ROBO1: variants seen among roughly 807,000 people sequenced by gnomAD.
ROBO1 encodes roundabout homolog 1.
Under a neutral mutation model 195.9 loss-of-function variants are expected in ROBO1, and 149 were observed. The ratio of observed to expected loss-of-function variants is 0.76; its 90% confidence interval spans 0.67 to 0.87. ROBO1 has a LOEUF of 0.87. ROBO1 is among the 40% of genes least tolerant of loss of function. The pLI, the probability that ROBO1 is intolerant of heterozygous loss-of-function variation, is 0.00. For missense variants in ROBO1, 1,933 were observed against 2,068.3 expected, an observed-to-expected ratio of 0.93 and a Z score of 1.27; for synonymous variants, 816 against 733.2, an observed-to-expected ratio of 1.11 and a Z score of -1.82.
In ROBO1 at chr3:78,755,328, G is replaced by C. The variant is rs2082901475; in HGVS notation, c.500-8428C>G. Reference sequence around the variant, plus strand: ...ACAAAAAACAAAATGTACAAAATTAGCTAGGCATGGTGGTGCTCACCAGTG... The same window carrying C: ...ACAAAAAACAAAATGTACAAAATTACCTAGGCATGGTGGTGCTCACCAGTG... On this transcript the variant is annotated intron_variant, in intron 4 of 30. Transcript: ENST00000464233. Among the ~76,000 whole-genome samples, 4 of 152,210 alleles carry C rather than the reference G, an allele frequency of 2.6e-5. No homozygotes were observed. In the South Asian group the frequency reaches 8.3e-4, roughly 32 times the overall value.
At chr3:78,736,025 GTATT>G (rs2082383994) in intron 5 of ROBO1, among the ~76,000 whole-genome samples, 1 of 152,050 alleles carries the variant, frequency 6.6e-6, no homozygotes. Flanking sequence ...TTATAGCAAT[GTATT>G]TACTCACATA....
At chr3:79,467,407 C>A (rs1938021352) in intron 2 of ROBO1, among the ~76,000 whole-genome samples, 1 of 151,434 alleles carries the variant, frequency 6.6e-6, no homozygotes, top group South Asian at 2.1e-4. Flanking sequence ...TGTCCTTTGG[C>A]CCTCCACAAA....
intron 2 of ROBO1, among the ~76,000 whole-genome samples, chr3:79,280,266 T>C (rs1237074552): frequency 2.0e-5 from 3 of 152,148 alleles, no homozygotes; most frequent in African/African-American, 7.2e-5. Context: ...ATGATAAATA[T>C]TTGAGATGAT....
intron 25 of ROBO1, among the ~76,000 whole-genome samples, chr3:78,628,330 T>A (rs925181297): frequency 1.3e-5 from 2 of 152,068 alleles, no homozygotes; most frequent in East Asian, 3.9e-4. Flanking sequence ...TACAACCCAT[T>A]TTTTTTTCTC....
chr3:79,619,203 T>C (rs1944925856), intron 1 of ROBO1, among the ~76,000 whole-genome samples: 1 of 152,162 alleles, frequency 6.6e-6, no homozygotes, highest in Non-Finnish European at 1.5e-5. Context: ...TAGTGGCAAG[T>C]CAATTGTGGG....
At chr3:78,844,285 T>C (rs766542790) in intron 4 of ROBO1, among the ~76,000 whole-genome samples, 12 of 152,138 alleles carry the variant, frequency 7.9e-5, no homozygotes, top group Non-Finnish European at 1.3e-4. Flanking sequence ...TCTAAGAGAA[T>C]TGTTTGTGTT....
intron 2 of ROBO1, among the ~76,000 whole-genome samples, chr3:79,175,256 T>C (rs1176279295): frequency 6.6e-6 from 1 of 152,186 alleles, no homozygotes; most frequent in African/African-American, 2.4e-5. Context: ...CAGTTGCACT[T>C]ATTTTACTTT....
chr3:79,028,859 C>T lies in ROBO1; in HGVS notation c.173-89932G>A, dbSNP rs146809202. Among the ~76,000 whole-genome samples, 543 of 152,086 alleles carry T rather than the reference C, an allele frequency of 3.6e-3. 7 individuals are homozygous for T. Among genetic ancestry groups the T allele is most frequent in the African/African-American group, 0.012 (504 of 41,530 alleles). On this transcript the variant is annotated intron_variant, in intron 3 of 30. Transcript: ENST00000464233. Reference sequence around the variant, plus strand: ...AATAAATGAAAATGTTTGTTTTTCACAAATATGCCTGAATTTCACAGGTCT... The same window carrying T: ...AATAAATGAAAATGTTTGTTTTTCATAAATATGCCTGAATTTCACAGGTCT...
chr3:78,746,640 G>A, intron 5 of ROBO1, 103 bp downstream of exon 5: 1 of 965,920 alleles, frequency 1.0e-6, no homozygotes, highest in East Asian at 2.9e-5. Flanking sequence ...GCTGACGCAA[G>A]CCTTTATTGA....
chr3:79,558,839 C>T (rs1353799091), intron 2 of ROBO1, among the ~76,000 whole-genome samples: 4 of 152,072 alleles, frequency 2.6e-5, no homozygotes, highest in Non-Finnish European at 5.9e-5. Flanking sequence ...CATAATATAT[C>T]TTTATAAATA....
chr3:79,451,299 T>A (rs1304380151), intron 2 of ROBO1, among the ~76,000 whole-genome samples: 2 of 152,052 alleles, frequency 1.3e-5, no homozygotes, highest in African/African-American at 4.8e-5. Flanking sequence ...GAGATGAAGC[T>A]CAAATGAATA....
At chr3:79,672,786 A>G (rs997378978) in intron 1 of ROBO1, among the ~76,000 whole-genome samples, 8 of 151,936 alleles carry the variant, frequency 5.3e-5, no homozygotes, top group African/African-American at 1.9e-4. Flanking sequence ...AGTTTCTGAT[A>G]CTTGAATGTA....
At chr3:78,878,647 A>T (rs987577174) in intron 4 of ROBO1, among the ~76,000 whole-genome samples, 2 of 151,614 alleles carry the variant, frequency 1.3e-5, no homozygotes, top group African/African-American at 4.8e-5. Flanking sequence ...TACCTTGGAA[A>T]TAACCAGCCA....
In ROBO1 at chr3:79,028,273, CT is replaced by C. The variant is rs1305459431; in HGVS notation, c.173-89347del. ...ATCAGCATTTTGTTGTATATTTTTT[CT>C]TTTTTCACTTTGCATATAAAGACTT... On this transcript the variant is annotated intron_variant, in intron 3 of 30. Coordinates refer to ENST00000464233, the MANE Select transcript of ROBO1 (RefSeq NM_002941.4). 7.2e-5 allele frequency among the ~76,000 whole-genome samples: 11 copies of C among 151,788 alleles called. 1 individual carries two copies. The highest frequency in any genetic ancestry group is 2.7e-4 in the African/African-American group (11 of 41,494).
intron 9 of ROBO1, among the ~76,000 whole-genome samples, chr3:78,687,231 T>C (rs939645585): frequency 6.6e-6 from 1 of 152,210 alleles, no homozygotes; most frequent in Non-Finnish European, 1.5e-5. Context: ...TACAAATATT[T>C]CCTTCTAAAA....
At chr3:79,719,165 A>G (rs1032487274) in intron 1 of ROBO1, among the ~76,000 whole-genome samples, 1 of 152,082 alleles carries the variant, frequency 6.6e-6, no homozygotes, top group East Asian at 1.9e-4. Context: ...TCGAAAATGA[A>G]CTAGTTGGCA....
chr3:79,056,836 G>C (rs141337680), intron 3 of ROBO1, among the ~76,000 whole-genome samples: 4 of 151,978 alleles, frequency 2.6e-5, no homozygotes, highest in Middle Eastern at 3.2e-3. Flanking sequence ...TTAGTAGAGT[G>C]GTGTTTTCTT....
intron 29 of ROBO1, 42 bp downstream of exon 29, chr3:78,606,691 A>G: frequency 5.7e-6 from 9 of 1,587,538 alleles, no homozygotes; most frequent in Non-Finnish European, 7.7e-6. Flanking sequence ...CCTTGCAAAC[A>G]CACTCAATCT....
chr3:79,756,322 C>G (rs939405806), intron 1 of ROBO1, among the ~76,000 whole-genome samples: 1 of 152,020 alleles, frequency 6.6e-6, no homozygotes, highest in Non-Finnish European at 1.5e-5. Context: ...GAGGCCAAGG[C>G]GGGCGGTTCA....
Sources: allele counts gnomAD v4.1 joint callset (sites outside exome capture counted in the v4.1 genomes callset), GRCh38; gene constraint gnomAD v4.1.1; transcripts MANE v1.5; gene names NCBI Gene and HGNC (gene_info 2026-07-23, HGNC 2026-07-21).